Variants in GPATCH2 observed in about 807,000 individuals in gnomAD.
The protein encoded by GPATCH2 is G-patch domain containing 2.
In GPATCH2, 51 loss-of-function variants were observed where a neutral mutation model predicts 58.0. The observed-to-expected ratio is 0.88, with a 90% CI of 0.70 to 1.11. The LOEUF (loss-of-function observed/expected upper bound fraction) is 1.11, where lower values mean the gene tolerates loss of function less well. Ranked by LOEUF, GPATCH2 falls within the 50% of genes most tolerant of loss-of-function variation. The pLI is 0.00. For missense variants in GPATCH2, 625 were observed against 652.2 expected (o/e 0.96, Z 0.45); for synonymous variants, 222 against 218.5 (o/e 1.02, Z -0.14).
chr1:217,527,904 T>C (rs566953194), intron 5 of GPATCH2, among the ~76,000 whole-genome samples: 2 of 152,302 alleles, frequency 1.3e-5, no homozygotes, highest in East Asian at 3.9e-4. Flanking sequence ...CATAAAACTA[T>C]ATAAAGATTA....
chr1:217,616,947 T>C (rs895653474), intron 2 of GPATCH2, among the ~76,000 whole-genome samples: 2 of 152,146 alleles, frequency 1.3e-5, no homozygotes, highest in Admixed American at 6.6e-5. Flanking sequence ...TCAAATACTC[T>C]CAAATACTTA....
intron 8 of GPATCH2, among the ~76,000 whole-genome samples, chr1:217,488,705 T>C (rs1397204048): frequency 6.6e-6 from 1 of 152,072 alleles, no homozygotes; most frequent in Non-Finnish European, 1.5e-5. Flanking sequence ...AACTATTTTT[T>C]TTTTGAGACA....
chr1:217,609,144 G>T (rs1007736280), intron 5 of GPATCH2: 2 of 921,900 alleles, frequency 2.2e-6, no homozygotes, highest in South Asian at 1.0e-4. Flanking sequence ...CCATTTTGAA[G>T]AACTCAAATG....
chr1:217,532,910 T>G lies in GPATCH2; in HGVS notation c.1099-18021A>C, dbSNP rs984221862. Among the ~76,000 whole-genome samples, 639 of 145,786 alleles carry G rather than the reference T, an allele frequency of 4.4e-3. 2 individuals carry two copies. Among genetic ancestry groups the G allele is most frequent in the African/African-American group, 0.012 (481 of 39,408 alleles). ...TGTTTTTTTTTTTTTGTTTTTTTTT[T>G]TTTTTTGAGACAGGATCTCCCTCTG... is the stretch of plus-strand genomic sequence containing the variant. On this transcript the variant is annotated intron_variant, in intron 5 of 9. Transcript: ENST00000366935.
intron 8 of GPATCH2, among the ~76,000 whole-genome samples, chr1:217,483,502 G>T (rs1003481013): frequency 6.6e-6 from 1 of 151,746 alleles, no homozygotes; most frequent in Non-Finnish European, 1.5e-5. Context: ...TGCTTTTTTT[G>T]GAGACAGGGT....
intron 5 of GPATCH2, among the ~76,000 whole-genome samples, chr1:217,521,650 G>C (rs1034085652): frequency 6.6e-6 from 1 of 152,190 alleles, no homozygotes; most frequent in African/African-American, 2.4e-5. Context: ...CATTTACAAA[G>C]TGTACTGGAG....
Position 217,562,795 on chromosome 1 carries a change from A to G in GPATCH2, c.1098+47526T>C, listed in dbSNP as rs565531326. On this transcript the variant is annotated intron_variant, in intron 5 of 9. Transcript: ENST00000366935. ...TGGTTTCTTCATCTGTTAAAACGGG[A>G]TAATACTCTCTAATTCATGCAGTTG... Among the ~76,000 whole-genome samples the G allele has an allele frequency of 1.1e-3, 170 of 152,312 alleles. 1 individual carries two copies. Among genetic ancestry groups the G allele is most frequent in the South Asian group, 4.6e-3 (22 of 4,828 alleles).
At chr1:217,437,164 GGAGGAACTGTGCCTT>G (rs768745597) in intron 9 of GPATCH2, among the ~76,000 whole-genome samples, 4 of 152,150 alleles carry the variant, frequency 2.6e-5, no homozygotes, top group African/African-American at 7.2e-5. Flanking sequence ...AGGGTAGCCT[GGAGGAACTGTGCCTT>G]GAGGAACAGT....
chr1:217,501,948 A>C (rs1662326682), intron 6 of GPATCH2, among the ~76,000 whole-genome samples: 1 of 152,032 alleles, frequency 6.6e-6, no homozygotes, highest in African/African-American at 2.4e-5. Context: ...ACTAGTTTCA[A>C]ATATTGTTGA....
intron 8 of GPATCH2, among the ~76,000 whole-genome samples, chr1:217,466,381 G>GT (rs1660449010): frequency 6.6e-6 from 1 of 151,952 alleles, no homozygotes; most frequent in Non-Finnish European, 1.5e-5. Flanking sequence ...GAAAATACTT[G>GT]TTTTTTCTTT....
At position 217,429,996 on chromosome 1, in the gene GPATCH2, GAAGATAATAAATA is replaced by G. The variant is rs1658460980; in HGVS notation, c.*1136_*1148del. The G allele has an allele frequency of 6.6e-6, 1 of 152,036 alleles. No individual in the cohort carries two copies. The highest frequency in any genetic ancestry group is 1.5e-5 in the Non-Finnish European group (1 of 68,004). The allele number at this position is 152,036 out of a possible 1,614,324, so 9.4% of individuals were successfully genotyped here. A position where few individuals can be genotyped will look rare whatever the true frequency, so the allele number is the denominator to read the frequency against. The stretch of plus-strand genomic sequence containing the variant: ...ATCATCATAATAAGTTGTTAATAAT[GAAGATAATAAATA>G]AAGATCTTCTAAACTAAAAGCAATT... On this transcript the variant is annotated 3_prime_UTR_variant, in exon 10 of 10. Transcript: ENST00000366935.
intron 7 of GPATCH2, among the ~76,000 whole-genome samples, chr1:217,495,755 G>T (rs1183765561): frequency 6.6e-6 from 1 of 152,114 alleles, no homozygotes; most frequent in African/African-American, 2.4e-5. Context: ...GAAAAACTAT[G>T]TTGTTTTTTA....
intron 5 of GPATCH2, among the ~76,000 whole-genome samples, chr1:217,577,857 C>T (rs547200822): frequency 6.6e-6 from 1 of 152,202 alleles, no homozygotes; most frequent in South Asian, 2.1e-4. Flanking sequence ...AAGCGTTTCT[C>T]CTGCTTCAGC....
At chr1:217,590,316 C>G (rs1408145733) in intron 5 of GPATCH2, among the ~76,000 whole-genome samples, 1 of 152,092 alleles carries the variant, frequency 6.6e-6, no homozygotes. Flanking sequence ...GCCACTGTGC[C>G]CGGCCCTGTA....
chr1:217,505,183 G>C (rs1662489253), intron 6 of GPATCH2, among the ~76,000 whole-genome samples: 1 of 152,162 alleles, frequency 6.6e-6, no homozygotes, highest in Admixed American at 6.5e-5. Flanking sequence ...TCCAAATTCA[G>C]TTCTCCCCCT....
intron 8 of GPATCH2, among the ~76,000 whole-genome samples, chr1:217,484,672 C>T (rs1295290392): frequency 6.7e-6 from 1 of 149,310 alleles, no homozygotes; most frequent in Non-Finnish European, 1.5e-5. Context: ...TATATATACA[C>T]GTGTATACAC....
At chr1:217,575,890 A>G (rs1293984945) in intron 5 of GPATCH2, among the ~76,000 whole-genome samples, 1 of 152,112 alleles carries the variant, frequency 6.6e-6, no homozygotes, top group Non-Finnish European at 1.5e-5. Flanking sequence ...TTTTTCCAAA[A>G]TTCTAAATTT....
intron 8 of GPATCH2, among the ~76,000 whole-genome samples, chr1:217,461,728 G>GT (rs1364617853): frequency 6.6e-6 from 1 of 152,112 alleles, no homozygotes; most frequent in Non-Finnish European, 1.5e-5. Context: ...AACTAAGCTT[G>GT]TTAACTGAAG....
intron 5 of GPATCH2, among the ~76,000 whole-genome samples, chr1:217,597,789 T>C (rs1056141699): frequency 3.9e-5 from 6 of 152,240 alleles, no homozygotes; most frequent in East Asian, 1.9e-4. Context: ...CTCCATTCTA[T>C]CCCCACCCCA....
Sources: allele counts gnomAD v4.1 joint callset (sites outside exome capture counted in the v4.1 genomes callset), GRCh38; gene constraint gnomAD v4.1.1; transcripts MANE v1.5; gene names NCBI Gene and HGNC (gene_info 2026-07-23, HGNC 2026-07-21).